L3HYPDH: variants seen among roughly 807,000 people sequenced by gnomAD.
The protein encoded by L3HYPDH is trans-3-hydroxy-L-proline dehydratase.
L3HYPDH carries 32 observed loss-of-function variants against 26.5 expected under a neutral mutation model. The ratio of observed to expected loss-of-function variants is 1.21; its 90% CI spans 0.91 to 1.62. The LOEUF is 1.62. Among genes scored for constraint, L3HYPDH ranks in the 40% most tolerant of loss-of-function variants. L3HYPDH has a pLI of 0.00. For synonymous variants in L3HYPDH, 215 were observed against 196.6 expected (o/e 1.09, Z -0.78); for missense variants, 554 against 476.4 (o/e 1.16, Z -1.52).
chr14:59,484,777 CGGGCTACTA>C, upstream of L3HYPDH: 1 of 930,736 alleles, frequency 1.1e-6, no homozygotes, highest in Non-Finnish European at 1.6e-6. Flanking sequence ...CTGTCCGCAA[CGGGCTACTA>C]GGGGAGGCGC....
intron 1 of L3HYPDH, 80 bp from the exon 2 acceptor site, chr14:59,479,431 T>G: frequency 7.7e-7 from 1 of 1,299,168 alleles, no homozygotes; most frequent in South Asian, 1.3e-5. Context: ...ATTTTTAATA[T>G]GTTTATTTTT....
downstream of L3HYPDH, among the ~76,000 whole-genome samples, chr14:59,467,921 G>A (rs76788271): frequency 1.3e-5 from 2 of 152,152 alleles, no homozygotes; most frequent in African/African-American, 4.8e-5. Context: ...TTTTAGTTGC[G>A]GACTATCTTT....
upstream of L3HYPDH, chr14:59,484,683 G>C (rs997603033): frequency 3.3e-5 from 48 of 1,469,710 alleles, no homozygotes; most frequent in African/African-American, 5.2e-4. Flanking sequence ...CTTTGTAGGC[G>C]GCCTTCGGTT....
the L3HYPDH span, among the ~76,000 whole-genome samples, chr14:59,497,979 C>T: frequency 1.3e-5 from 2 of 151,966 alleles, no homozygotes; most frequent in Non-Finnish European, 2.9e-5. Flanking sequence ...GGATAAAAGT[C>T]CCATTATTCA....
chr14:59,478,913 T>G (rs1355186340), intron 2 of L3HYPDH: 9 of 310,232 alleles, frequency 2.9e-5, no homozygotes, highest in Non-Finnish European at 4.6e-5. Flanking sequence ...GCTGATGAGC[T>G]AAAAAAAAAT....
the L3HYPDH span, chr14:59,504,400 A>G: frequency 4.0e-6 from 1 of 250,800 alleles, no homozygotes; most frequent in African/African-American, 2.2e-5. Flanking sequence ...TTTATTAAGA[A>G]AAGCTTTAAC....
the L3HYPDH span, among the ~76,000 whole-genome samples, chr14:59,490,672 T>G: frequency 7.3e-3 from 1,116 of 152,328 alleles, 14 homozygotes; most frequent in African/African-American, 0.025. Context: ...GGGAAAGCAT[T>G]TATAATTTTT....
chr14:59,480,053 C>T (rs3759697), intron 1 of L3HYPDH, among the ~76,000 whole-genome samples: 59,407 of 151,870 alleles, frequency 0.39, 12,362 homozygotes, highest in African/African-American at 0.53. Flanking sequence ...ATGTTTATTT[C>T]GCCCCTTCTC....
the L3HYPDH span, among the ~76,000 whole-genome samples, chr14:59,499,151 G>A: frequency 6.7e-6 from 1 of 148,686 alleles, no homozygotes; most frequent in Non-Finnish European, 1.5e-5. Flanking sequence ...AGCCTCCCAA[G>A]TAGCTGGGAC....
chr14:59,491,306 G>T, the L3HYPDH span, among the ~76,000 whole-genome samples: 2 of 152,206 alleles, frequency 1.3e-5, no homozygotes, highest in Middle Eastern at 6.8e-3. Context: ...TGCTGGTGGG[G>T]GTATTTTTCC....
the L3HYPDH span, among the ~76,000 whole-genome samples, chr14:59,496,427 T>C: frequency 6.6e-6 from 1 of 151,882 alleles, no homozygotes. Flanking sequence ...AATAAATGAA[T>C]TGAATATTAT....
chr14:59,501,246 C>A, the L3HYPDH span: 1 of 1,601,132 alleles, frequency 6.2e-7, no homozygotes, highest in Non-Finnish European at 8.5e-7. Flanking sequence ...TGGCTGTGTA[C>A]ATGTCTGCTT....
At chr14:59,474,450 TGAGTCA>T in intron 4 of L3HYPDH, 1 of 686,530 alleles carries the variant, frequency 1.5e-6, no homozygotes. Flanking sequence ...TGGACTTGTC[TGAGTCA>T]TTCTTTGGTC....
upstream of L3HYPDH, chr14:59,487,208 A>T (rs1420304091): frequency 1.9e-5 from 3 of 155,544 alleles, no homozygotes; most frequent in African/African-American, 7.2e-5. Context: ...GTCTCAAAAA[A>T]AAAATAAAAT....
chr14:59,502,773 T>TGTTTTTGTTTTTTTTTTTTTTTG, the L3HYPDH span, among the ~76,000 whole-genome samples: 2 of 102,836 alleles, frequency 1.9e-5, no homozygotes, highest in African/African-American at 3.9e-5. Context: ...TTTTTTTTTT[T>TGTTTTTGTTTTTTTTTTTTTTTG]CGGAGTCTCA....
At position 59,484,157 on chromosome 14, in the gene L3HYPDH, T is replaced by A. The variant is rs373348888; in HGVS notation, c.160A>T (p.Met54Leu). ...CGCACGTGGTCAAGGTGCTGGCGCATGTAGCGCCGCTTGGCCAGCAGGGTG... is the reference window on the plus strand; with the variant it reads ...CGCACGTGGTCAAGGTGCTGGCGCAAGTAGCGCCGCTTGGCCAGCAGGGTG... ...GPTLLAKRRY[M>L]RQHLDHVRRR... Residue 54 changes from methionine (M) to leucine (L), a missense_variant, in exon 1 of 5, where the codon ATG becomes TTG. Coordinates refer to ENST00000247194, the MANE Select transcript of L3HYPDH (RefSeq NM_144581.2). 405 of 1,600,724 alleles carry A rather than the reference T, an allele frequency of 2.5e-4. 1 individual carries two copies. Among genetic ancestry groups the A allele is most frequent in the Non-Finnish European group, 2.9e-4 (344 of 1,179,366 alleles).
downstream of L3HYPDH, among the ~76,000 whole-genome samples, chr14:59,471,466 G>A (rs755335123): frequency 5.3e-5 from 8 of 152,118 alleles, no homozygotes; most frequent in African/African-American, 9.7e-5. Context: ...GGCATACCAC[G>A]GGTAGGGCAG....
chr14:59,482,717 G>T (rs1890117166), intron 1 of L3HYPDH, among the ~76,000 whole-genome samples: 1 of 152,192 alleles, frequency 6.6e-6, no homozygotes, highest in African/African-American at 2.4e-5. Context: ...CTCTAAAAGT[G>T]CCTGTTCTAT....
upstream of L3HYPDH, chr14:59,487,869 T>G (rs1270186695): frequency 6.4e-7 from 1 of 1,567,898 alleles, no homozygotes; most frequent in Non-Finnish European, 8.8e-7. Flanking sequence ...GGACTAATGT[T>G]GGAATAATTA....
Sources: allele counts gnomAD v4.1 joint callset (sites outside exome capture counted in the v4.1 genomes callset), GRCh38; gene constraint gnomAD v4.1.1; transcripts MANE v1.5; gene names NCBI Gene and HGNC (gene_info 2026-07-23, HGNC 2026-07-21).